TXNRD1: variants seen among roughly 807,000 people sequenced by gnomAD.
TXNRD1 encodes the protein thioredoxin reductase 1, cytoplasmic.
Under a neutral mutation model 80.3 loss-of-function variants are expected in TXNRD1, and 57 were observed. That is an observed-to-expected ratio of 0.71 (90% CI 0.57 to 0.89). The LOEUF is 0.89. Among genes scored for constraint, TXNRD1 ranks in the 40% least tolerant of loss-of-function variants. The pLI is 0.00. For missense variants in TXNRD1, 730 were observed against 803.0 expected, an observed-to-expected ratio of 0.91 and a Z score of 1.10; for synonymous variants, 291 against 285.2, an observed-to-expected ratio of 1.02 and a Z score of -0.20.
At chr12:104,339,387 A>G (rs10861202) in intron 16 of TXNRD1, 114 bp downstream of exon 16, 888,180 of 1,432,198 alleles carry the variant, frequency 0.62, 277,939 homozygotes, top group East Asian at 0.82. Flanking sequence ...TGATTCCTCA[A>G]AAGAGGGCTT....
intron 1 of TXNRD1, among the ~76,000 whole-genome samples, chr12:104,238,939 C>T (rs551053126): frequency 7.9e-5 from 12 of 151,736 alleles, no homozygotes; most frequent in Admixed American, 5.3e-4. Context: ...CTTTGCCTCC[C>T]GGGTTCAAGT....
rs1352777982 is a variant in TXNRD1 at position 104,251,642 on chromosome 12, C to T, written c.207C>T (p.Val69=). ...LQAYIDGHSV[V]IFSRSTCTRC... is the part of the protein sequence containing the mutation. ...CCTATATAGATGGTCACTCTGTGGT[C>T]ATCTTCAGTAGGTCCACATGCACAC... Residue 69 remains valine (V), a synonymous_variant, in exon 2 of 17, where the codon GTC becomes GTT. Coordinates refer to ENST00000525566, the MANE Select transcript of TXNRD1 (RefSeq NM_001093771.3). 6.2e-7 allele frequency: 1 copy of T among 1,613,834 alleles called. No homozygotes were observed. The highest frequency in any genetic ancestry group is 8.5e-7 in the Non-Finnish European group (1 of 1,179,894).
At chr12:104,264,045 C>T (rs1441301412) in intron 3 of TXNRD1, among the ~76,000 whole-genome samples, 1 of 152,096 alleles carries the variant, frequency 6.6e-6, no homozygotes, top group Non-Finnish European at 1.5e-5. Flanking sequence ...AAATAAAAAC[C>T]CCTCACAAGC....
In TXNRD1 at chr12:104,348,341, C is replaced by G; in HGVS notation, c.1882-12C>G. ...GGCATCTGAAGATGTTGTGCTTTCT[C>G]TTCCCCTGCAGGTATTCACAACATT... On this transcript the variant is annotated splice_polypyrimidine_tract_variant and intron_variant, in intron 16 of 16. Transcript: ENST00000525566. 1 of 1,613,838 alleles carries G rather than the reference C, an allele frequency of 6.2e-7. No homozygotes were observed. Among genetic ancestry groups the G allele is most frequent in the Non-Finnish European group, 8.5e-7 (1 of 1,179,720 alleles).
intron 4 of TXNRD1, among the ~76,000 whole-genome samples, chr12:104,298,768 T>C (rs1454539654): frequency 6.6e-6 from 1 of 150,804 alleles, no homozygotes; most frequent in Non-Finnish European, 1.5e-5. Flanking sequence ...TTTCTGTTCC[T>C]AAAGCAACAT....
intron 1 of TXNRD1, among the ~76,000 whole-genome samples, chr12:104,225,715 CT>C (rs35057067): frequency 0.36 from 51,397 of 141,334 alleles, 10,504 homozygotes; most frequent in African/African-American, 0.6. Flanking sequence ...AATTAAACCT[CT>C]TTTTTTTTTT....
intron 5 of TXNRD1, among the ~76,000 whole-genome samples, chr12:104,312,049 A>G (rs2035156590): frequency 6.6e-6 from 1 of 151,944 alleles, no homozygotes; most frequent in Admixed American, 6.6e-5. Flanking sequence ...TATTGTGTGG[A>G]AATGGTCTGA....
chr12:104,328,457 G>A (rs1233306345), intron 13 of TXNRD1, among the ~76,000 whole-genome samples: 2 of 151,906 alleles, frequency 1.3e-5, no homozygotes, highest in East Asian at 3.9e-4. Context: ...CCAGTCCTTA[G>A]AAAATATCTG....
rs1278354703 is a variant in TXNRD1 at position 104,346,042 on chromosome 12, G to A, written c.1882-2311G>A. The A allele has an allele frequency of 3.2e-6, 4 of 1,262,230 alleles. No individual in the cohort carries two copies. In the Admixed American group the frequency reaches 9.2e-5, roughly 29 times the overall value. 78.2% of individuals were successfully genotyped at this position (1,262,230 alleles called of 1,614,324 possible). A position where few individuals can be genotyped will look rare whatever the true frequency, so the allele number is the denominator to read the frequency against. On this transcript the variant is annotated intron_variant, in intron 16 of 16. Coordinates refer to ENST00000525566, the MANE Select transcript of TXNRD1 (RefSeq NM_001093771.3). ...AGTTTTTTTCATTTATTTGAGATAGGGTTCCTGTCACCCAGGCTGGAGTGC... is the reference window on the plus strand; with the variant it reads ...AGTTTTTTTCATTTATTTGAGATAGAGTTCCTGTCACCCAGGCTGGAGTGC...
In TXNRD1 at chr12:104,287,990, T is replaced by TTTTG. The variant is rs914306652; in HGVS notation, c.305-929_305-926dup. ...TTGTTTTTTGTTTTTTGTTGGTTTT[T>TTTTG]TTTGTTTGTTTGTTTTTTGAGACGG... On this transcript the variant is annotated intron_variant, in intron 3 of 16. Transcript: ENST00000525566. Among the ~76,000 whole-genome samples the TTTTG allele has an allele frequency of 2.0e-5, 3 of 152,294 alleles. No individual in the cohort carries two copies. In the East Asian group the frequency reaches 5.8e-4, roughly 29 times the overall value.
intron 1 of TXNRD1, among the ~76,000 whole-genome samples, chr12:104,240,195 A>G (rs1350397220): frequency 6.6e-6 from 1 of 152,176 alleles, no homozygotes; most frequent in African/African-American, 2.4e-5. Flanking sequence ...TTTCCTCCAG[A>G]TATCCTGTTT....
chr12:104,302,551 C>G (rs576531702), intron 4 of TXNRD1, among the ~76,000 whole-genome samples: 5 of 125,470 alleles, frequency 4.0e-5, no homozygotes, highest in African/African-American at 1.6e-4. Flanking sequence ...GTGCAGTGGC[C>G]CGATCTCGGC....
chr12:104,307,119 A>T (rs781600328), intron 4 of TXNRD1, among the ~76,000 whole-genome samples: 2 of 152,132 alleles, frequency 1.3e-5, no homozygotes, highest in Non-Finnish European at 2.9e-5. Context: ...AATGATGAGG[A>T]TGATGGATTG....
intron 4 of TXNRD1, chr12:104,304,266 T>C: frequency 1.2e-6 from 2 of 1,614,084 alleles, no homozygotes; most frequent in Non-Finnish European, 8.5e-7. Context: ...AACTCAGATA[T>C]GAACTTCTTT....
chr12:104,220,256 C>G (rs1044001739), intron 1 of TXNRD1, among the ~76,000 whole-genome samples: 4 of 152,144 alleles, frequency 2.6e-5, no homozygotes, highest in Non-Finnish European at 5.9e-5. Context: ...AATCTGCAAT[C>G]AGAAGTTAGT....
intron 1 of TXNRD1, among the ~76,000 whole-genome samples, chr12:104,232,109 T>C (rs1236510104): frequency 1.3e-5 from 2 of 152,208 alleles, no homozygotes; most frequent in Non-Finnish European, 2.9e-5. Flanking sequence ...CATAGGACTT[T>C]TGGATTGGCT....
chr12:104,274,273 T>C (rs2033712034), intron 3 of TXNRD1, among the ~76,000 whole-genome samples: 1 of 152,138 alleles, frequency 6.6e-6, no homozygotes, highest in South Asian at 2.1e-4. Context: ...GAAGTGACCA[T>C]AGCTTTCCAT....
intron 3 of TXNRD1, chr12:104,287,529 T>C: frequency 6.3e-7 from 1 of 1,581,618 alleles, no homozygotes; most frequent in Non-Finnish European, 8.6e-7. Context: ...AAAGTATAAC[T>C]ATGTAAGAAT....
At chr12:104,335,411 G>C (rs1373706960) in intron 15 of TXNRD1, among the ~76,000 whole-genome samples, 3 of 152,046 alleles carry the variant, frequency 2.0e-5, no homozygotes, top group African/African-American at 7.2e-5. Flanking sequence ...TGTTGGCCAG[G>C]CTGGTCTCGA....
Sources: allele counts gnomAD v4.1 joint callset (sites outside exome capture counted in the v4.1 genomes callset), GRCh38; gene constraint gnomAD v4.1.1; transcripts MANE v1.5; gene names NCBI Gene and HGNC (gene_info 2026-07-23, HGNC 2026-07-21).